ITGBL1: variants seen among roughly 807,000 people sequenced by gnomAD.
The protein encoded by ITGBL1 is integrin subunit beta like 1.
In ITGBL1, 51 loss-of-function variants were observed where a neutral mutation model predicts 68.5. The ratio of observed to expected loss-of-function variants is 0.74; its 90% CI spans 0.59 to 0.94. The LOEUF (loss-of-function observed/expected upper bound fraction) is 0.94, where lower values mean the gene tolerates loss of function less well. Among genes scored for constraint, ITGBL1 ranks in the 40% least tolerant of loss-of-function variants. ITGBL1 has a pLI of 0.00. For synonymous variants in ITGBL1, 209 were observed against 227.3 expected (o/e 0.92, Z 0.72); for missense variants, 649 against 647.4 (o/e 1.00, Z -0.03).
intron 2 of ITGBL1, among the ~76,000 whole-genome samples, chr13:101,549,056 C>T (rs2049876408): frequency 6.6e-6 from 1 of 151,728 alleles, no homozygotes; most frequent in Non-Finnish European, 1.5e-5. Context: ...AAATTGAGAT[C>T]AGCAGATATC....
intron 7 of ITGBL1, among the ~76,000 whole-genome samples, chr13:101,630,955 A>T (rs2031958862): frequency 6.6e-6 from 1 of 152,140 alleles, no homozygotes; most frequent in Admixed American, 6.6e-5. Flanking sequence ...ATGTGTTCTG[A>T]ATTCGACTTG....
At chr13:101,715,234 T>A (rs887802380) in intron 10 of ITGBL1, 3 of 227,806 alleles carry the variant, frequency 1.3e-5, no homozygotes, top group Non-Finnish European at 2.6e-5. Context: ...CAAAGAGCCT[T>A]ATGTTTTTCT....
At chr13:101,521,320 T>C (rs2049280523) in intron 2 of ITGBL1, among the ~76,000 whole-genome samples, 1 of 152,186 alleles carries the variant, frequency 6.6e-6, no homozygotes, top group African/African-American at 2.4e-5. Flanking sequence ...CATTGTAATA[T>C]GGGAAACAGA....
intron 7 of ITGBL1, among the ~76,000 whole-genome samples, chr13:101,623,114 T>C (rs2031650583): frequency 1.3e-5 from 2 of 152,170 alleles, no homozygotes; most frequent in Admixed American, 6.6e-5. Flanking sequence ...TAATGTTAAC[T>C]AGGATAAATA....
At chr13:101,694,739 G>A (rs1489536881) in intron 8 of ITGBL1, among the ~76,000 whole-genome samples, 1 of 151,986 alleles carries the variant, frequency 6.6e-6, no homozygotes, top group Non-Finnish European at 1.5e-5. Flanking sequence ...GCTTTTGTAT[G>A]TTTTTTCTGT....
intron 2 of ITGBL1, among the ~76,000 whole-genome samples, chr13:101,514,696 T>C (rs1177883030): frequency 1.3e-5 from 2 of 152,128 alleles, no homozygotes; most frequent in Non-Finnish European, 2.9e-5. Flanking sequence ...TTTCAATTTC[T>C]TTGTTATCCC....
chr13:101,681,444 G>T (rs2033638671), intron 7 of ITGBL1, among the ~76,000 whole-genome samples: 1 of 152,118 alleles, frequency 6.6e-6, no homozygotes, highest in Non-Finnish European at 1.5e-5. Flanking sequence ...GTTACTGGTG[G>T]TCATGCAGAA....
Position 101,614,209 on chromosome 13 carries a change from A to G in ITGBL1, c.1015+15910A>G, listed in dbSNP as rs572517183. Among the ~76,000 whole-genome samples the G allele has an allele frequency of 9.8e-5, 15 of 152,312 alleles. No individual in the cohort carries two copies. In the South Asian group the frequency reaches 3.1e-3, roughly 32 times the overall value. On this transcript the variant is annotated intron_variant, in intron 7 of 10. Transcript: ENST00000376180. ...AATTGGCTGAATAGATAGAATTGTC[A>G]AAGAGTCCAGAAAAGGGGCTTTGTC...
At chr13:101,719,273 G>C (rs1336190205), downstream of ITGBL1, 5 of 152,018 alleles carry the variant, frequency 3.3e-5, no homozygotes, top group Non-Finnish European at 7.4e-5. Context: ...AGTGCTTAAA[G>C]CATTAATTAA....
At chr13:101,607,199 A>C (rs1399226123) in intron 7 of ITGBL1, among the ~76,000 whole-genome samples, 1 of 152,054 alleles carries the variant, frequency 6.6e-6, no homozygotes, top group Non-Finnish European at 1.5e-5. Context: ...AAACACAATG[A>C]GGTAGGAAGA....
chr13:101,565,278 C>T (rs1192144811), intron 2 of ITGBL1, among the ~76,000 whole-genome samples: 1 of 152,098 alleles, frequency 6.6e-6, no homozygotes, highest in East Asian at 1.9e-4. Flanking sequence ...TCTGCTAAAG[C>T]TCTTACTAAC....
At chr13:101,567,921 A>G (rs986961818) in intron 3 of ITGBL1, 76 bp downstream of exon 3, 5 of 1,169,506 alleles carry the variant, frequency 4.3e-6, no homozygotes, top group Non-Finnish European at 4.9e-6. Context: ...GTGGGCGTGG[A>G]GAAATGTTGA....
chr13:101,538,756 T>C (rs1198119415), intron 2 of ITGBL1, among the ~76,000 whole-genome samples: 1 of 152,086 alleles, frequency 6.6e-6, no homozygotes, highest in Admixed American at 6.6e-5. Context: ...GTCAGGCATG[T>C]AAGGGAAAAT....
intron 2 of ITGBL1, among the ~76,000 whole-genome samples, chr13:101,491,102 C>G (rs370354823): frequency 6.6e-6 from 1 of 152,158 alleles, no homozygotes; most frequent in Non-Finnish European, 1.5e-5. Context: ...GCTTATATAT[C>G]TCCAACCTGT....
intron 5 of ITGBL1, among the ~76,000 whole-genome samples, chr13:101,580,594 C>T (rs543856333): frequency 1.9e-4 from 29 of 152,244 alleles, no homozygotes; most frequent in Admixed American, 3.3e-4. Context: ...CCCCACTACC[C>T]CCACATCACA....
chr13:101,537,530 A>G (rs1487181037), intron 2 of ITGBL1, among the ~76,000 whole-genome samples: 4 of 152,036 alleles, frequency 2.6e-5, no homozygotes, highest in Non-Finnish European at 4.4e-5. Flanking sequence ...GAAAGTGTAC[A>G]TTTTAAATGA....
intron 3 of ITGBL1, among the ~76,000 whole-genome samples, chr13:101,574,957 A>T (rs1290082730): frequency 6.6e-6 from 1 of 152,184 alleles, no homozygotes; most frequent in Non-Finnish European, 1.5e-5. Flanking sequence ...TATGCATTTG[A>T]TAATAAATTA....
At chr13:101,543,436 C>T (rs1306429188) in intron 2 of ITGBL1, among the ~76,000 whole-genome samples, 2 of 152,198 alleles carry the variant, frequency 1.3e-5, no homozygotes, top group Admixed American at 6.5e-5. Flanking sequence ...AGCTGTTAGT[C>T]TGATGGGCTT....
chr13:101,615,945 T>C (rs2031341711), intron 7 of ITGBL1, among the ~76,000 whole-genome samples: 1 of 152,186 alleles, frequency 6.6e-6, no homozygotes, highest in African/African-American at 2.4e-5. Flanking sequence ...TGGCTTGATC[T>C]TGGACTTCCC....
Sources: gnomAD v4.1 joint callset for allele counts (sites outside exome capture counted in the v4.1 genomes callset) on GRCh38, gnomAD v4.1.1 for gene constraint, MANE v1.5 for transcripts, NCBI Gene and HGNC (gene_info 2026-07-23, HGNC 2026-07-21) for gene names.